TRPC4AP: variants seen among roughly 807,000 people sequenced by gnomAD.
TRPC4AP encodes transient receptor potential cation channel subfamily C member 4 associated protein.
A neutral mutation model predicts 99.0 loss-of-function variants in TRPC4AP; 45 were observed. The observed-to-expected ratio is 0.45, with a 90% CI of 0.36 to 0.58. The LOEUF (loss-of-function observed/expected upper bound fraction) is 0.58, where lower values mean the gene tolerates loss of function less well. Ranked by LOEUF, TRPC4AP falls within the 20% of genes least tolerant of loss-of-function variation. TRPC4AP has a pLI of 0.00. For missense variants in TRPC4AP, 879 were observed against 985.3 expected (o/e 0.89, Z 1.44); for synonymous variants, 408 against 385.8 (o/e 1.06, Z -0.67).
intron 5 of TRPC4AP, among the ~76,000 whole-genome samples, chr20:35,053,431 A>G (rs775363297): frequency 2.6e-5 from 4 of 152,192 alleles, no homozygotes; most frequent in Non-Finnish European, 5.9e-5. Flanking sequence ...ACTAGTGACT[A>G]TATGGAGTTG....
chr20:35,037,545 C>T (rs150681505), intron 7 of TRPC4AP, among the ~76,000 whole-genome samples: 1 of 152,204 alleles, frequency 6.6e-6, no homozygotes, highest in East Asian at 1.9e-4. Flanking sequence ...GATAAACAAA[C>T]TGTGGTATCT....
At chr20:35,063,910 A>G (rs1035628153) in intron 3 of TRPC4AP, among the ~76,000 whole-genome samples, 6 of 152,194 alleles carry the variant, frequency 3.9e-5, no homozygotes, top group Admixed American at 6.5e-5. Context: ...AATTCTGTTA[A>G]ACAAATTCTA....
chr20:35,034,960 C>A (rs967014988), intron 8 of TRPC4AP, among the ~76,000 whole-genome samples, 163 bp downstream of exon 8: 6 of 152,138 alleles, frequency 3.9e-5, no homozygotes, highest in Admixed American at 2.0e-4. Flanking sequence ...GTTTCTGTAA[C>A]AAGCTGTCAA....
chr20:35,076,633 T>C (rs1261257858), intron 2 of TRPC4AP, among the ~76,000 whole-genome samples: 2 of 152,138 alleles, frequency 1.3e-5, no homozygotes, highest in Non-Finnish European at 2.9e-5. Flanking sequence ...AAGCTTCATC[T>C]CAGAGGGGCA....
chr20:35,044,861 T>C (rs1359361679), intron 6 of TRPC4AP, 149 bp from the exon 7 acceptor site: 7 of 708,658 alleles, frequency 9.9e-6, no homozygotes, highest in Non-Finnish European at 1.6e-5. Context: ...CTCTGAAACT[T>C]TGGTTAAGTT....
At chr20:35,012,871 G>T in intron 11 of TRPC4AP, 137 bp downstream of exon 11, 1 of 820,078 alleles carries the variant, frequency 1.2e-6, no homozygotes, top group Non-Finnish European at 2.0e-6. Flanking sequence ...TGTCACACCT[G>T]CTAACACTGA....
Position 35,006,563 on chromosome 20 carries a change from A to AGTAAAGGATGTGCTGGGTGAGGGG in TRPC4AP, c.1698_1699insCCCCTCACCCAGCACATCCTTTAC (p.Tyr566_Cys567insProLeuThrGlnHisIleLeuTyr). On this transcript the variant is annotated inframe_insertion, in exon 15 of 19. Coordinates refer to ENST00000252015, the MANE Select transcript of TRPC4AP (RefSeq NM_015638.3). The stretch of plus-strand genomic sequence containing the variant: ...GACTTACACTCGCTGTCCACAATGC[A>AGTAAAGGATGTGCTGGGTGAGGGG]GTAAAGGATGTGCTGGGTGAGGAGG... 1 of 1,614,106 alleles carries AGTAAAGGATGTGCTGGGTGAGGGG rather than the reference A, an allele frequency of 6.2e-7. No individual in the cohort carries two copies. The highest frequency in any genetic ancestry group is 8.5e-7 in the Non-Finnish European group (1 of 1,179,952).
At chr20:35,043,637 T>C (rs985585194) in intron 7 of TRPC4AP, among the ~76,000 whole-genome samples, 7 of 152,198 alleles carry the variant, frequency 4.6e-5, no homozygotes, top group Admixed American at 3.3e-4. Context: ...ACCCTATATA[T>C]ACTATGTTTT....
At chr20:35,012,121 G>A (rs976957521) in intron 11 of TRPC4AP, among the ~76,000 whole-genome samples, 4 of 152,204 alleles carry the variant, frequency 2.6e-5, no homozygotes, top group Admixed American at 2.0e-4. Context: ...CATATGTGGT[G>A]CCATTTTTCA....
chr20:35,009,151 C>T (rs1487124216), intron 12 of TRPC4AP, among the ~76,000 whole-genome samples: 1 of 152,178 alleles, frequency 6.6e-6, no homozygotes, highest in Non-Finnish European at 1.5e-5. Flanking sequence ...GGGCAAGTGT[C>T]CACAACTCCA....
In TRPC4AP at chr20:35,057,584, T is replaced by A; in HGVS notation, c.415-13A>T. The A allele has an allele frequency of 1.3e-6, 2 of 1,595,580 alleles. No homozygotes were observed. Among genetic ancestry groups the A allele is most frequent in the Non-Finnish European group, 1.7e-6 (2 of 1,166,162 alleles). Reference sequence around the variant, plus strand: ...TTTCTACAAGAAGCTATAAAAAAAATTAGATAAAATCTTCAAAATTAATTC... The same window carrying A: ...TTTCTACAAGAAGCTATAAAAAAAAATAGATAAAATCTTCAAAATTAATTC... On this transcript the variant is annotated splice_polypyrimidine_tract_variant and intron_variant, in intron 3 of 18. Transcript: ENST00000252015.
At chr20:35,007,729 C>T in intron 13 of TRPC4AP, 89 bp from the exon 14 acceptor site, 2 of 1,340,060 alleles carry the variant, frequency 1.5e-6, no homozygotes, top group South Asian at 1.2e-5. Context: ...TGTTTGTTGC[C>T]TTTTCATGTA....
Position 35,057,425 on chromosome 20 carries a change from A to T in TRPC4AP, c.472+89T>A. On this transcript the variant is annotated intron_variant, in intron 4 of 18. Coordinates refer to ENST00000252015, the MANE Select transcript of TRPC4AP (RefSeq NM_015638.3). ...AGACATGTCCTTACTATTAAGAGTT[A>T]GGAAGGGAAGGAAGAAGGCAGCTGC... is the stretch of plus-strand genomic sequence containing the variant. 9 of 1,040,308 alleles carry T rather than the reference A, an allele frequency of 8.7e-6. No homozygotes were observed. The South Asian group carries it at 1.2e-4, about 14-fold the overall frequency. The allele number at this position is 1,040,308 out of a possible 1,614,324, so 64.4% of individuals were successfully genotyped here.
intron 3 of TRPC4AP, among the ~76,000 whole-genome samples, chr20:35,059,315 T>C (rs368957877): frequency 3.3e-4 from 50 of 152,248 alleles, no homozygotes; most frequent in Middle Eastern, 6.8e-3. Flanking sequence ...TTAGATGACC[T>C]AGACGAAATG....
intron 5 of TRPC4AP, among the ~76,000 whole-genome samples, chr20:35,053,574 C>T (rs1045039475): frequency 3.3e-5 from 5 of 152,176 alleles, no homozygotes; most frequent in Non-Finnish European, 7.3e-5. Context: ...GTGCCTATCT[C>T]TGTCATTGGC....
chr20:35,064,085 G>A (rs2084077665), intron 3 of TRPC4AP, among the ~76,000 whole-genome samples: 1 of 152,086 alleles, frequency 6.6e-6, no homozygotes, highest in African/African-American at 2.4e-5. Flanking sequence ...TTCCAAAAAA[G>A]TCCAATTTTC....
chr20:35,054,976 A>G lies in TRPC4AP; in HGVS notation c.528T>C (p.Cys176=). The change falls in exon 5 of 19, where the codon TGT becomes TGC. Residue 176 remains cysteine (C), a splice_region_variant and synonymous_variant. Transcript: ENST00000252015. The stretch of plus-strand genomic sequence containing the variant: ...GAGCCCCAGTGGCAGGGGTACTTAC[A>G]CAGACACAGGTATTATACAGGATAC... ...CLSILYNTCV[C]TEGVTKRLAE... The G allele has an allele frequency of 6.2e-7, 1 of 1,613,382 alleles. No homozygotes were observed. The highest frequency in any genetic ancestry group is 1.1e-5 in the South Asian group (1 of 90,970).
chr20:35,086,838 G>C (rs1268860981), intron 1 of TRPC4AP, among the ~76,000 whole-genome samples: 1 of 151,304 alleles, frequency 6.6e-6, no homozygotes, highest in South Asian at 2.1e-4. Flanking sequence ...TTTGAGACCA[G>C]CCTAGCCAGC....
chr20:35,073,964 T>A (rs1440760057), intron 2 of TRPC4AP, among the ~76,000 whole-genome samples: 1 of 152,242 alleles, frequency 6.6e-6, no homozygotes, highest in Non-Finnish European at 1.5e-5. Flanking sequence ...ATTGGTCTAT[T>A]CAGGGATTCA....
Sources: gnomAD v4.1 joint callset for allele counts (sites outside exome capture counted in the v4.1 genomes callset) on GRCh38, gnomAD v4.1.1 for gene constraint, MANE v1.5 for transcripts, NCBI Gene and HGNC (gene_info 2026-07-23, HGNC 2026-07-21) for gene names.